IKZF1: variants seen among roughly 807,000 people sequenced by gnomAD.
The protein encoded by IKZF1 is DNA-binding protein Ikaros.
IKZF1 carries 10 observed loss-of-function variants against 51.7 expected under a neutral mutation model. The observed-to-expected ratio is 0.19, with a 90% CI of 0.12 to 0.33. IKZF1 has a LOEUF of 0.33. IKZF1 is among the 10% of genes least tolerant of loss of function. The probability of loss-of-function intolerance (pLI) is 1.00; values close to 1 mark genes in which losing one functional copy is unlikely to be tolerated. For synonymous variants in IKZF1, 280 were observed against 282.3 expected (o/e 0.99, Z 0.08); for missense variants, 484 against 707.5 (o/e 0.68, Z 3.58).
intron 3 of IKZF1, among the ~76,000 whole-genome samples, chr7:50,371,991 G>A (rs1407509397): frequency 6.6e-6 from 1 of 152,166 alleles, no homozygotes; most frequent in East Asian, 1.9e-4. Context: ...CTGGGCTTGT[G>A]TTTTTAAAAT....
rs577309404 is a variant in IKZF1 at position 50,309,898 on chromosome 7, T to G, written c.-15+4976T>G. ...AGCTTACTTCTGAGGCACTCTGAAG[T>G]GTGTTCCAGTGCTTTTAATGGAAAC... On this transcript the variant is annotated intron_variant, in intron 1 of 7. Transcript: ENST00000331340. Among the ~76,000 whole-genome samples, 13 of 152,308 alleles carry G rather than the reference T, an allele frequency of 8.5e-5. No individual in the cohort carries two copies. The South Asian group carries it at 2.5e-3, about 29-fold the overall frequency.
chr7:50,337,223 G>C (rs991827202), intron 3 of IKZF1, among the ~76,000 whole-genome samples: 1 of 152,132 alleles, frequency 6.6e-6, no homozygotes, highest in Non-Finnish European at 1.5e-5. Flanking sequence ...CACAGGACTA[G>C]GGGATGGTAT....
intron 3 of IKZF1, among the ~76,000 whole-genome samples, chr7:50,335,786 G>A (rs1439376644): frequency 6.6e-6 from 1 of 151,976 alleles, no homozygotes; most frequent in Non-Finnish European, 1.5e-5. Flanking sequence ...GTGTATGTGT[G>A]CACATGCATG....
chr7:50,312,273 G>A (rs958801842), intron 1 of IKZF1, among the ~76,000 whole-genome samples: 5 of 152,204 alleles, frequency 3.3e-5, no homozygotes, highest in Non-Finnish European at 7.3e-5. Context: ...GACTGTGTAT[G>A]CTTCTACCAT....
intron 7 of IKZF1, among the ~76,000 whole-genome samples, chr7:50,397,946 A>G (rs1374699362): frequency 6.6e-6 from 1 of 152,240 alleles, no homozygotes; most frequent in Middle Eastern, 3.2e-3. Flanking sequence ...TATGATACAT[A>G]TCCATTACAA....
intron 4 of IKZF1, among the ~76,000 whole-genome samples, chr7:50,382,004 G>C (rs1327839872): frequency 1.3e-5 from 2 of 152,190 alleles, no homozygotes; most frequent in Non-Finnish European, 2.9e-5. Flanking sequence ...AAAATACAGG[G>C]AAAATGTAAA....
At chr7:50,359,379 T>G (rs983811087) in intron 3 of IKZF1, among the ~76,000 whole-genome samples, 1 of 152,266 alleles carries the variant, frequency 6.6e-6, no homozygotes, top group African/African-American at 2.4e-5. Flanking sequence ...TCCTGACTTC[T>G]GAGTCTTGTA....
chr7:50,321,897 A>C (rs1793457082), intron 2 of IKZF1, among the ~76,000 whole-genome samples: 1 of 152,188 alleles, frequency 6.6e-6, no homozygotes, highest in Non-Finnish European at 1.5e-5. Context: ...ATTACATAAG[A>C]CTTCCTGAAA....
rs73348147 is a variant in IKZF1 at position 50,382,779 on chromosome 7, C to G, written c.589+72C>G. 4,345 of 1,498,970 alleles carry G rather than the reference C, an allele frequency of 2.9e-3. 125 individuals carry two copies. The African/African-American group carries it at 0.054, about 19-fold the overall frequency. The allele number at this position is 1,498,970 out of a possible 1,614,324, so 92.9% of individuals were successfully genotyped here. A position where few individuals can be genotyped will look rare whatever the true frequency, so the allele number is the denominator to read the frequency against. On this transcript the variant is annotated intron_variant, in intron 5 of 7. Transcript: ENST00000331340. ...TCCTCCACTCTGCCCGCCTGGGTCC[C>G]GGATTGTGTCCTTGCTGGCTAACCC...
At chr7:50,353,738 T>C (rs1297616517) in intron 3 of IKZF1, among the ~76,000 whole-genome samples, 1 of 152,240 alleles carries the variant, frequency 6.6e-6, no homozygotes, top group Non-Finnish European at 1.5e-5. Context: ...AATCTCTAGA[T>C]GTACTAGTCA....
intron 3 of IKZF1, among the ~76,000 whole-genome samples, chr7:50,345,049 G>A (rs935169271): frequency 4.0e-5 from 6 of 151,896 alleles, no homozygotes; most frequent in Non-Finnish European, 8.8e-5. Context: ...TAAGAGGAAT[G>A]AATATTTTAA....
chr7:50,393,695 G>A (rs1584998158), intron 7 of IKZF1, among the ~76,000 whole-genome samples: 1 of 152,322 alleles, frequency 6.6e-6, no homozygotes, highest in East Asian at 1.9e-4. Context: ...GTAGGAGTGA[G>A]GTCCTGTGCT....
At position 50,367,672 on chromosome 7, in the gene IKZF1, G is replaced by A. The variant is rs1184449328; in HGVS notation, c.161-8861G>A. The A allele has an allele frequency of 5.1e-5, 11 of 215,688 alleles. No individual in the cohort carries two copies. In the South Asian group the frequency reaches 9.9e-4, roughly 19 times the overall value. The allele number at this position is 215,688 out of a possible 1,614,324, so 13.4% of individuals were successfully genotyped here. A position where few individuals can be genotyped will look rare whatever the true frequency, so the allele number is the denominator to read the frequency against. ...CCCAGGAGATGCTCTGCGAGGAGCC[G>A]AGTGTTTGGACTGGAGCTGCTGAAT... On this transcript the variant is annotated intron_variant, in intron 3 of 7. Transcript: ENST00000331340.
intron 3 of IKZF1, among the ~76,000 whole-genome samples, chr7:50,331,647 G>A (rs1796471006): frequency 6.6e-6 from 1 of 152,112 alleles, no homozygotes; most frequent in African/African-American, 2.4e-5. Flanking sequence ...TCCCTATGAG[G>A]AGGGTGCAAA....
At chr7:50,336,701 C>T (rs964223594) in intron 3 of IKZF1, among the ~76,000 whole-genome samples, 2,975 of 152,264 alleles carry the variant, frequency 0.02, 116 homozygotes, top group African/African-American at 0.069. Context: ...CTGCATTGTC[C>T]ACTTCGGTGA....
intron 4 of IKZF1, among the ~76,000 whole-genome samples, chr7:50,378,149 T>G (rs1584897216): frequency 6.6e-6 from 1 of 152,220 alleles, no homozygotes; most frequent in African/African-American, 2.4e-5. Flanking sequence ...TTTTTATATT[T>G]GAATCGGGCG....
In IKZF1 at chr7:50,327,568, C is replaced by G. The variant is rs753033799; in HGVS notation, c.41-70C>G. ...GCCTCCTCATGCCACCCTCTCAAGCCAAAAGCCGGGGGAAGCCCAGGCACC... is the reference window on the plus strand; with the variant it reads ...GCCTCCTCATGCCACCCTCTCAAGCGAAAAGCCGGGGGAAGCCCAGGCACC... On this transcript the variant is annotated intron_variant, in intron 2 of 7. Coordinates refer to ENST00000331340, the MANE Select transcript of IKZF1 (RefSeq NM_006060.6). 286 of 1,500,356 alleles carry G rather than the reference C, an allele frequency of 1.9e-4. 1 individual carries two copies. The highest frequency in any genetic ancestry group is 5.0e-5 in the Non-Finnish European group (56 of 1,118,868). 92.9% of individuals were successfully genotyped at this position (1,500,356 alleles called of 1,614,324 possible).
Position 50,402,989 on chromosome 7 carries a change from T to A in IKZF1, c.*2362T>A, listed in dbSNP as rs77383326. 2,256 of 226,388 alleles carry A rather than the reference T, an allele frequency of 1.0e-2. 46 individuals carry two copies. Among genetic ancestry groups the A allele is most frequent in the African/African-American group, 0.045 (2,007 of 45,050 alleles). 14.0% of individuals were successfully genotyped at this position (226,388 alleles called of 1,614,324 possible). The stretch of plus-strand genomic sequence containing the variant: ...CACCTACTCTGTTCTTTTCCATCCA[T>A]CCCCCTGAGTCAGTTGGTTGAAGGG... On this transcript the variant is annotated 3_prime_UTR_variant, in exon 8 of 8. Coordinates refer to ENST00000331340, the MANE Select transcript of IKZF1 (RefSeq NM_006060.6).
rs112639939 is a variant in IKZF1 at position 50,326,031 on chromosome 7, G to A, written c.41-1607G>A. ...CTAAGCTGGAATATTAAATTGTGATGTCTGTTTTCCAGAGAATGAAGTAGT... is the reference window on the plus strand; with the variant it reads ...CTAAGCTGGAATATTAAATTGTGATATCTGTTTTCCAGAGAATGAAGTAGT... On this transcript the variant is annotated intron_variant, in intron 2 of 7. Transcript: ENST00000331340. Among the ~76,000 whole-genome samples the A allele has an allele frequency of 6.9e-3, 1,049 of 152,288 alleles. 10 individuals are homozygous for A. Among genetic ancestry groups the A allele is most frequent in the African/African-American group, 0.024 (1,014 of 41,536 alleles).
Sources: allele counts gnomAD v4.1 joint callset (sites outside exome capture counted in the v4.1 genomes callset), GRCh38; gene constraint gnomAD v4.1.1; transcripts MANE v1.5; gene names NCBI Gene and HGNC (gene_info 2026-07-23, HGNC 2026-07-21).